DIAPH2: variants seen among roughly 807,000 people sequenced by gnomAD.
The protein encoded by DIAPH2 is diaphanous related formin 2.
Under a neutral mutation model 92.7 loss-of-function variants are expected in DIAPH2, and 35 were observed. The observed-to-expected ratio is 0.38, with a 90% CI of 0.29 to 0.50. DIAPH2 has a LOEUF of 0.50. DIAPH2 is among the 20% of genes least tolerant of loss of function. The pLI, the probability that DIAPH2 is intolerant of heterozygous loss-of-function variation, is 0.94. For missense variants in DIAPH2, 701 were observed against 819.5 expected, an observed-to-expected ratio of 0.86 and a Z score of 1.77; for synonymous variants, 301 against 280.4, an observed-to-expected ratio of 1.07 and a Z score of -0.73.
At chrX:96,829,710 G>A (rs1448961521) in intron 4 of DIAPH2, among the ~76,000 whole-genome samples, 2 of 110,474 alleles carry the variant, frequency 1.8e-5, no homozygotes, top group Non-Finnish European at 3.8e-5. Flanking sequence ...GGCCAGGCTG[G>A]TCTCGAACTC....
intron 23 of DIAPH2, among the ~76,000 whole-genome samples, chrX:97,320,949 TTAG>T (rs1428369830): frequency 8.9e-6 from 1 of 111,922 alleles, no homozygotes; most frequent in Non-Finnish European, 1.9e-5. Flanking sequence ...TCTGATGGAA[TTAG>T]TAGAGATTTT....
At chrX:97,402,419 T>G (rs758521097) in intron 25 of DIAPH2, among the ~76,000 whole-genome samples, 11 of 111,734 alleles carry the variant, frequency 9.8e-5, no homozygotes, top group African/African-American at 3.6e-4. Context: ...TAATATAGTA[T>G]TAGTATACTT....
intron 17 of DIAPH2, among the ~76,000 whole-genome samples, chrX:97,000,974 G>A (rs934492134): frequency 8.9e-6 from 1 of 112,131 alleles, no homozygotes; most frequent in African/African-American, 3.2e-5. Context: ...CTCCTTTACA[G>A]TCTCCTTTAT....
intron 22 of DIAPH2, among the ~76,000 whole-genome samples, chrX:97,150,199 G>A (rs1327716360): frequency 9.0e-6 from 1 of 111,498 alleles, no homozygotes; most frequent in Non-Finnish European, 1.9e-5. Flanking sequence ...AAAGGACTTA[G>A]GAAAGAAAGT....
At chrX:97,333,494 C>G (rs181389603) in intron 23 of DIAPH2, among the ~76,000 whole-genome samples, 1 of 111,182 alleles carries the variant, frequency 9.0e-6, no homozygotes, top group African/African-American at 3.3e-5. Context: ...GGGGTATTGT[C>G]AATATTCCCC....
intron 22 of DIAPH2, among the ~76,000 whole-genome samples, chrX:97,228,515 T>G (rs762001975): frequency 8.9e-6 from 1 of 112,176 alleles, no homozygotes; most frequent in South Asian, 3.7e-4. Flanking sequence ...TACTCATTAG[T>G]GTATGCTCAC....
chrX:96,822,496 G>T (rs1226342613), intron 4 of DIAPH2, among the ~76,000 whole-genome samples: 2 of 111,764 alleles, frequency 1.8e-5, no homozygotes, highest in Non-Finnish European at 3.8e-5. Flanking sequence ...AGAGATAGGT[G>T]AATTTTAAAA....
intron 1 of DIAPH2, among the ~76,000 whole-genome samples, chrX:96,689,669 C>T (rs1318647885): frequency 9.0e-5 from 10 of 110,772 alleles, no homozygotes; most frequent in Non-Finnish European, 7.5e-5. Context: ...CAGCCCAGCT[C>T]ATGTCTCAAT....
intron 1 of DIAPH2, among the ~76,000 whole-genome samples, chrX:96,695,876 T>G (rs1287154084): frequency 9.0e-6 from 1 of 111,730 alleles, no homozygotes. Flanking sequence ...GAGATTTATT[T>G]TAAAGCATTT....
chrX:97,342,705 A>G (rs1045267642), intron 23 of DIAPH2, among the ~76,000 whole-genome samples: 1 of 112,273 alleles, frequency 8.9e-6, no homozygotes, highest in African/African-American at 3.2e-5. Context: ...AAAGGTAGGC[A>G]ATAAACAGAT....
At chrX:97,308,480 T>C (rs2068765004) in intron 23 of DIAPH2, among the ~76,000 whole-genome samples, 2 of 110,617 alleles carry the variant, frequency 1.8e-5, no homozygotes, top group South Asian at 7.9e-4. Context: ...AAGTCTTATG[T>C]GTTAAAAAGC....
chrX:97,250,523 A>G (rs1372633398), intron 23 of DIAPH2, among the ~76,000 whole-genome samples: 4 of 112,071 alleles, frequency 3.6e-5, no homozygotes, highest in Non-Finnish European at 5.6e-5. Context: ...AGACATTGCC[A>G]GGCATGAAAA....
chrX:97,197,559 G>A (rs2067714098), intron 22 of DIAPH2, among the ~76,000 whole-genome samples: 1 of 112,053 alleles, frequency 8.9e-6, no homozygotes, highest in Non-Finnish European at 1.9e-5. Context: ...GATCACATAT[G>A]TAAGAAATTT....
intron 24 of DIAPH2, among the ~76,000 whole-genome samples, chrX:97,364,759 G>GTTT (rs11286549): frequency 3.5e-5 from 2 of 56,592 alleles, no homozygotes; most frequent in African/African-American, 5.8e-5. Flanking sequence ...GTCTCCTGGT[G>GTTT]TTTTTTTTTT....
chrX:97,488,343 A>G (rs2070703178), intron 26 of DIAPH2, among the ~76,000 whole-genome samples: 1 of 111,997 alleles, frequency 8.9e-6, no homozygotes, highest in African/African-American at 3.2e-5. Context: ...TATTTGACAC[A>G]TTTTGCATAG....
chrX:96,882,976 A>T (rs1484257368), intron 5 of DIAPH2, among the ~76,000 whole-genome samples: 1 of 51,994 alleles, frequency 1.9e-5, no homozygotes, highest in African/African-American at 4.2e-5. Flanking sequence ...AAAAAAAAAA[A>T]AAAAAAACAA....
chrX:97,347,730 G>A (rs1209488836), intron 23 of DIAPH2, among the ~76,000 whole-genome samples: 2 of 111,169 alleles, frequency 1.8e-5, no homozygotes, highest in Non-Finnish European at 3.8e-5. Flanking sequence ...CTCAGAATGT[G>A]ACTATATTTG....
chrX:96,820,011 G>A (rs2064766942), intron 4 of DIAPH2, among the ~76,000 whole-genome samples: 4 of 111,829 alleles, frequency 3.6e-5, no homozygotes, highest in Non-Finnish European at 5.6e-5. Context: ...TCCTCTCCAC[G>A]TACACCGAAA....
chrX:97,212,279 G>A (rs2067846241), intron 22 of DIAPH2, among the ~76,000 whole-genome samples: 1 of 111,753 alleles, frequency 8.9e-6, no homozygotes, highest in East Asian at 2.8e-4. Context: ...GTCAGAAAAT[G>A]ACTGGGCAAT....
Sources: gnomAD v4.1 joint callset for allele counts (sites outside exome capture counted in the v4.1 genomes callset) on GRCh38, gnomAD v4.1.1 for gene constraint, MANE v1.5 for transcripts, NCBI Gene and HGNC (gene_info 2026-07-23, HGNC 2026-07-21) for gene names.